PTPN12: variants seen among roughly 807,000 people sequenced by gnomAD.
PTPN12 encodes the protein protein tyrosine phosphatase non-receptor type 12, also known as tyrosine-protein phosphatase non-receptor type 12.
A neutral mutation model predicts 97.6 loss-of-function variants in PTPN12; 29 were observed. The ratio of observed to expected loss-of-function variants is 0.30; its 90% CI spans 0.22 to 0.41. The LOEUF is 0.41. PTPN12 is among the 10% of genes least tolerant of loss of function. The probability of loss-of-function intolerance (pLI) is 1.00; values close to 1 mark genes in which losing one functional copy is unlikely to be tolerated. For missense variants in PTPN12, 819 were observed against 926.0 expected (o/e 0.88, Z 1.50); for synonymous variants, 327 against 300.4 (o/e 1.09, Z -0.91).
chr7:77,629,471 C>T (rs1052861457), intron 13 of PTPN12, among the ~76,000 whole-genome samples: 12 of 151,662 alleles, frequency 7.9e-5, no homozygotes, highest in Non-Finnish European at 1.3e-4. Context: ...AAGAAATTTT[C>T]ATTTTGAGTT....
chr7:77,602,459 A>C (rs981973857), intron 8 of PTPN12, among the ~76,000 whole-genome samples: 1 of 152,102 alleles, frequency 6.6e-6, no homozygotes, highest in Admixed American at 6.6e-5. Flanking sequence ...TAGTCAAGAA[A>C]ATAATAAATG....
intron 8 of PTPN12, among the ~76,000 whole-genome samples, chr7:77,602,666 A>G (rs1264317773): frequency 6.6e-6 from 1 of 151,986 alleles, no homozygotes; most frequent in Non-Finnish European, 1.5e-5. Flanking sequence ...TGGGTGATAC[A>G]GGATATTTTG....
At chr7:77,543,828 A>G (rs1807098647) in intron 1 of PTPN12, among the ~76,000 whole-genome samples, 1 of 152,210 alleles carries the variant, frequency 6.6e-6, no homozygotes, top group Admixed American at 6.5e-5. Flanking sequence ...TCCATGTTAT[A>G]GTATTGATCC....
At chr7:77,550,394 TAGAC>T (rs1421442597) in intron 1 of PTPN12, among the ~76,000 whole-genome samples, 1 of 152,060 alleles carries the variant, frequency 6.6e-6, no homozygotes, top group African/African-American at 2.4e-5. Context: ...AATTTATAAA[TAGAC>T]TAAAATTAAA....
chr7:77,587,240 T>G (rs922387684), intron 5 of PTPN12, among the ~76,000 whole-genome samples: 2 of 152,176 alleles, frequency 1.3e-5, no homozygotes, highest in South Asian at 4.1e-4. Context: ...ATAATAAGAC[T>G]TGAAACTCAA....
At chr7:77,597,117 TTTTG>T (rs141035734) in intron 6 of PTPN12, among the ~76,000 whole-genome samples, 26 of 152,122 alleles carry the variant, frequency 1.7e-4, no homozygotes, top group Middle Eastern at 3.4e-3. Flanking sequence ...TATAGTTTGT[TTTTG>T]TTTGTTTGTT....
At chr7:77,587,712 A>G (rs191696425) in intron 5 of PTPN12, among the ~76,000 whole-genome samples, 161 of 152,322 alleles carry the variant, frequency 1.1e-3, no homozygotes, top group African/African-American at 3.8e-3. Flanking sequence ...AAAATCCTAG[A>G]TGGCATCTTC....
chr7:77,612,687 C>G (rs1032390028), intron 11 of PTPN12, among the ~76,000 whole-genome samples: 38 of 152,174 alleles, frequency 2.5e-4, no homozygotes, highest in African/African-American at 9.2e-4. Context: ...ATCCGCCTGC[C>G]TCAGCCTCCC....
intron 1 of PTPN12, among the ~76,000 whole-genome samples, chr7:77,560,055 A>G (rs750953638): frequency 4.6e-5 from 7 of 152,234 alleles, no homozygotes; most frequent in African/African-American, 1.7e-4. Flanking sequence ...GTCCCTGGGC[A>G]TAGGATAGGT....
At chr7:77,587,167 C>T (rs979414127) in intron 5 of PTPN12, among the ~76,000 whole-genome samples, 2 of 151,984 alleles carry the variant, frequency 1.3e-5, no homozygotes, top group African/African-American at 4.8e-5. Context: ...GTTCACTTTC[C>T]CTAGACCCAT....
At chr7:77,592,101 C>G (rs1562734101) in intron 5 of PTPN12, 84 bp from the exon 6 acceptor site, 2 of 1,186,110 alleles carry the variant, frequency 1.7e-6, no homozygotes, top group East Asian at 4.8e-5. Context: ...TAGAAGTAAG[C>G]AGAACCTCAG....
At chr7:77,585,804 ATAT>A (rs1787671751) in intron 5 of PTPN12, among the ~76,000 whole-genome samples, 1 of 152,146 alleles carries the variant, frequency 6.6e-6, no homozygotes, top group South Asian at 2.1e-4. Flanking sequence ...TACCTCAGAG[ATAT>A]TATAGGTTCA....
At chr7:77,560,369 A>T (rs555463686) in intron 1 of PTPN12, among the ~76,000 whole-genome samples, 68 of 152,174 alleles carry the variant, frequency 4.5e-4, no homozygotes, top group African/African-American at 9.9e-4. Flanking sequence ...CCCTTAAAAA[A>T]TTTTTTTTAA....
intron 2 of PTPN12, among the ~76,000 whole-genome samples, chr7:77,574,390 G>A (rs544539951): frequency 6.6e-6 from 1 of 152,312 alleles, no homozygotes; most frequent in South Asian, 2.1e-4. Context: ...GTACTGTTAT[G>A]TGCCATTTTG....
chr7:77,572,789 A>C (rs1031783750), intron 2 of PTPN12, among the ~76,000 whole-genome samples: 1 of 152,130 alleles, frequency 6.6e-6, no homozygotes, highest in Non-Finnish European at 1.5e-5. Flanking sequence ...TAAATGCTTA[A>C]AAGTGTACCC....
intron 1 of PTPN12, among the ~76,000 whole-genome samples, chr7:77,561,610 T>C (rs745658146): frequency 3.3e-5 from 5 of 152,118 alleles, no homozygotes; most frequent in Admixed American, 6.5e-5. Context: ...CTATATTTGT[T>C]TTTGCAGAGA....
chr7:77,625,506 TCTCTCTCTCTCTCTCTCA>T lies in PTPN12; in HGVS notation c.1026-1193_1026-1176del, dbSNP rs1484839329. 5.5e-5 allele frequency among the ~76,000 whole-genome samples: 6 copies of T among 109,060 alleles called. 1 individual carries two copies. Among genetic ancestry groups the T allele is most frequent in the South Asian group, 3.4e-4 (1 of 2,968 alleles). 71.5% of individuals were successfully genotyped at this position (109,060 alleles called of 152,430 possible). On this transcript the variant is annotated intron_variant, in intron 12 of 17. Coordinates refer to ENST00000248594, the MANE Select transcript of PTPN12 (RefSeq NM_002835.4). The stretch of plus-strand genomic sequence containing the variant: ...CTCTCTCTCTCTCTCTCTCTCTCTC[TCTCTCTCTCTCTCTCTCA>T]CTCTCACTCTCACTCGCGCTCTCTC...
intron 1 of PTPN12, among the ~76,000 whole-genome samples, chr7:77,569,459 A>G (rs1276445812): frequency 1.3e-5 from 2 of 152,160 alleles, no homozygotes; most frequent in African/African-American, 4.8e-5. Context: ...CTTTGATTGT[A>G]GTTTTTTGCT....
intron 6 of PTPN12, among the ~76,000 whole-genome samples, chr7:77,593,307 G>C (rs1489344732): frequency 3.3e-5 from 5 of 152,002 alleles, no homozygotes; most frequent in Non-Finnish European, 5.9e-5. Context: ...GCCTATATTA[G>C]GGTTCTCCAG....
Sources: gnomAD v4.1 joint callset for allele counts (sites outside exome capture counted in the v4.1 genomes callset) on GRCh38, gnomAD v4.1.1 for gene constraint, MANE v1.5 for transcripts, NCBI Gene and HGNC (gene_info 2026-07-23, HGNC 2026-07-21) for gene names.